Variants in PCDH15 observed in about 807,000 individuals in gnomAD.
The protein encoded by PCDH15 is protocadherin-15.
Under a neutral mutation model 178.5 loss-of-function variants are expected in PCDH15, and 129 were observed. The observed-to-expected ratio is 0.72, with a 90% CI of 0.63 to 0.84. PCDH15 has a LOEUF of 0.84. Among genes scored for constraint, PCDH15 ranks in the 40% least tolerant of loss-of-function variants. The probability of loss-of-function intolerance (pLI) is 0.00; values close to 1 mark genes in which losing one functional copy is unlikely to be tolerated. For missense variants in PCDH15, 2,230 were observed against 2,099.9 expected (o/e 1.06, Z -1.21); for synonymous variants, 800 against 732.0 (o/e 1.09, Z -1.50).
chr10:55,451,894 A>G (rs965887977), intron 2 of PCDH15, among the ~76,000 whole-genome samples: 2 of 152,228 alleles, frequency 1.3e-5, no homozygotes, highest in African/African-American at 4.8e-5. Context: ...ATCTCTCAAG[A>G]TAGGTCTCTG....
chr10:55,219,307 T>C (rs1037098167), intron 1 of PCDH15, among the ~76,000 whole-genome samples: 4 of 151,998 alleles, frequency 2.6e-5, no homozygotes, highest in African/African-American at 9.7e-5. Flanking sequence ...TAATTACTGA[T>C]TGTGCCTTCT....
chr10:53,823,997 T>TTTAAAACCTTATACATA lies in PCDH15; in HGVS notation c.4367+3379_4367+3395dup, dbSNP rs569905892. Among the ~76,000 whole-genome samples, 36 of 152,218 alleles carry TTTAAAACCTTATACATA rather than the reference T, an allele frequency of 2.4e-4. No individual in the cohort carries two copies. In the South Asian group the frequency reaches 7.5e-3, roughly 32 times the overall value. Reference sequence around the variant, plus strand: ...TGTTTAAATTTTGTGCTTAATTAGTTTTAAAACCTTATACATAATACCAAT... The same window carrying TTTAAAACCTTATACATA: ...TGTTTAAATTTTGTGCTTAATTAGTTTTAAAACCTTATACATATTAAAACCTTATACATAATACCAAT... On this transcript the variant is annotated intron_variant, in intron 32 of 37. Coordinates refer to ENST00000644397, the MANE Select transcript of PCDH15 (RefSeq NM_001384140.1).
At chr10:55,432,073 T>C (rs896216236) in intron 2 of PCDH15, among the ~76,000 whole-genome samples, 2 of 106,130 alleles carry the variant, frequency 1.9e-5, no homozygotes, top group Admixed American at 2.0e-4. Flanking sequence ...TAGGCAGAGC[T>C]ATCATTTAAA....
At chr10:54,502,911 A>G (rs1276625526) in intron 3 of PCDH15, among the ~76,000 whole-genome samples, 1 of 152,026 alleles carries the variant, frequency 6.6e-6, no homozygotes, top group Non-Finnish European at 1.5e-5. Context: ...CTATGTAAAA[A>G]TTATAAGCTC....
chr10:54,177,335 T>C (rs1475366596), intron 13 of PCDH15, among the ~76,000 whole-genome samples: 2 of 152,162 alleles, frequency 1.3e-5, no homozygotes. Flanking sequence ...GAAACTCTTC[T>C]GTGTGGTTCT....
chr10:55,092,442 C>T (rs778457315), intron 2 of PCDH15, among the ~76,000 whole-genome samples: 13 of 151,570 alleles, frequency 8.6e-5, no homozygotes, highest in African/African-American at 1.5e-4. Context: ...TCCCATAATG[C>T]CAAAGGTATT....
chr10:54,782,595 A>T (rs545523200), intron 1 of PCDH15, among the ~76,000 whole-genome samples: 16 of 152,088 alleles, frequency 1.1e-4, no homozygotes, highest in African/African-American at 3.1e-4. Flanking sequence ...CTTCAGGCTG[A>T]TTTTTTTGCT....
At chr10:54,349,082 G>C (rs1424681150) in intron 5 of PCDH15, among the ~76,000 whole-genome samples, 1 of 152,068 alleles carries the variant, frequency 6.6e-6, no homozygotes, top group Non-Finnish European at 1.5e-5. Context: ...TGTCATGGAG[G>C]TAGATATAAA....
chr10:55,168,231 CT>C (rs1564856587), intron 1 of PCDH15, among the ~76,000 whole-genome samples: 1 of 152,150 alleles, frequency 6.6e-6, no homozygotes, highest in Non-Finnish European at 1.5e-5. Flanking sequence ...ACCACCACCC[CT>C]ATCCCCGACC....
chr10:53,815,453 G>A (rs1025395354), intron 35 of PCDH15, among the ~76,000 whole-genome samples: 2 of 152,028 alleles, frequency 1.3e-5, no homozygotes, highest in Admixed American at 6.5e-5. Context: ...TCAACCCTGA[G>A]TTTTCCAATT....
chr10:54,124,073 T>C (rs2041789056), intron 15 of PCDH15, among the ~76,000 whole-genome samples: 1 of 152,072 alleles, frequency 6.6e-6, no homozygotes, highest in Non-Finnish European at 1.5e-5. Context: ...ACTACCTTGG[T>C]GACAGGATTA....
At chr10:54,288,994 G>T (rs1467282998) in intron 8 of PCDH15, among the ~76,000 whole-genome samples, 3 of 152,218 alleles carry the variant, frequency 2.0e-5, no homozygotes, top group African/African-American at 4.8e-5. Context: ...CCTGTCTGAC[G>T]CTCTGAAGAG....
chr10:53,966,995 C>G (rs956376211), intron 21 of PCDH15, among the ~76,000 whole-genome samples: 4 of 152,050 alleles, frequency 2.6e-5, no homozygotes, highest in African/African-American at 9.7e-5. Flanking sequence ...CTCACACAAT[C>G]TTTCTGCCTC....
chr10:54,457,701 A>C (rs1027941117), intron 3 of PCDH15, among the ~76,000 whole-genome samples: 1 of 152,212 alleles, frequency 6.6e-6, no homozygotes, highest in African/African-American at 2.4e-5. Context: ...TTTTTAAAAT[A>C]CTTAAAATTT....
intron 3 of PCDH15, among the ~76,000 whole-genome samples, chr10:54,882,792 C>T (rs1216029053): frequency 6.6e-6 from 1 of 151,910 alleles, no homozygotes; most frequent in African/African-American, 2.4e-5. Context: ...TATAGCAACC[C>T]AAAGATCTCT....
At chr10:54,752,486 AAAAAACAAAAAACAAAAAAC>A (rs1946408868) in intron 1 of PCDH15, among the ~76,000 whole-genome samples, 2 of 92,764 alleles carry the variant, frequency 2.2e-5, no homozygotes, top group Non-Finnish European at 5.2e-5. Flanking sequence ...CAAAAAAAAA[AAAAAACAAAAAACAAAAAAC>A]AAAAAACAAA....
chr10:54,317,502 C>T (rs1438315671), intron 7 of PCDH15, 61 bp from the exon 8 acceptor site: 2 of 1,583,898 alleles, frequency 1.3e-6, no homozygotes, highest in African/African-American at 2.7e-5. Context: ...TAGCCAGGAG[C>T]AGTGGCCCAT....
At chr10:55,547,285 G>A (rs1316807980) in intron 2 of PCDH15, among the ~76,000 whole-genome samples, 3 of 152,188 alleles carry the variant, frequency 2.0e-5, no homozygotes, top group African/African-American at 4.8e-5. Flanking sequence ...CAAGTTCAGA[G>A]TGTGGTGAGA....
At chr10:54,566,775 T>C (rs2089107645) in intron 2 of PCDH15, among the ~76,000 whole-genome samples, 1 of 152,170 alleles carries the variant, frequency 6.6e-6, no homozygotes, top group South Asian at 2.1e-4. Context: ...CTCCCAAGTT[T>C]TGAAAATTGT....
Sources: gnomAD v4.1 joint callset for allele counts (sites outside exome capture counted in the v4.1 genomes callset) on GRCh38, gnomAD v4.1.1 for gene constraint, MANE v1.5 for transcripts, NCBI Gene and HGNC (gene_info 2026-07-23, HGNC 2026-07-21) for gene names.